STK32B: variants seen among roughly 807,000 people sequenced by gnomAD.
STK32B encodes serine/threonine kinase 32B.
A neutral mutation model predicts 52.6 loss-of-function variants in STK32B; 43 were observed. The ratio of observed to expected loss-of-function variants is 0.82; its 90% CI spans 0.64 to 1.05. The LOEUF is 1.05. STK32B is among the 50% of genes least tolerant of loss of function. The probability of loss-of-function intolerance (pLI) is 0.00; values close to 1 mark genes in which losing one functional copy is unlikely to be tolerated. For missense variants in STK32B, 621 were observed against 534.6 expected, an observed-to-expected ratio of 1.16 and a Z score of -1.59; for synonymous variants, 238 against 204.3, an observed-to-expected ratio of 1.17 and a Z score of -1.41.
chr4:5,460,337 AC>A lies in STK32B; in HGVS notation c.909+111del. ...AGTGAGCCCTCTGCTGGCCACTTCC[AC>A]CTGAGCACCAAGGGCTTATGTCTTG... On this transcript the variant is annotated intron_variant, in intron 9 of 11. Coordinates refer to ENST00000282908, the MANE Select transcript of STK32B (RefSeq NM_018401.3). The surrounding 1 kb of genome is among the most constrained non-coding windows in gnomAD (Gnocchi z 4.8). 6.8e-7 allele frequency: 1 copy of A among 1,476,106 alleles called. No homozygotes were observed. Among genetic ancestry groups the A allele is most frequent in the Non-Finnish European group, 9.1e-7 (1 of 1,102,024 alleles). The allele number at this position is 1,476,106 out of a possible 1,614,324, so 91.4% of individuals were successfully genotyped here.
chr4:5,213,735 T>C (rs1025929580), intron 3 of STK32B, among the ~76,000 whole-genome samples: 6 of 152,216 alleles, frequency 3.9e-5, no homozygotes, highest in Admixed American at 1.3e-4. Flanking sequence ...TTAAGCTGTT[T>C]GCTCCTTTTT....
intron 3 of STK32B, among the ~76,000 whole-genome samples, chr4:5,233,026 G>T (rs1291715114): frequency 6.6e-6 from 1 of 152,110 alleles, no homozygotes; most frequent in Non-Finnish European, 1.5e-5. Flanking sequence ...TGCTACTTGT[G>T]GTTTCCCTAA....
chr4:5,498,594 C>G (rs965524819), intron 11 of STK32B, among the ~76,000 whole-genome samples: 1 of 152,002 alleles, frequency 6.6e-6, no homozygotes, highest in Admixed American at 6.6e-5. Context: ...CCACCTTTAC[C>G]GACTGTGAGC....
At chr4:5,301,845 GT>G (rs78467925) in intron 3 of STK32B, among the ~76,000 whole-genome samples, 47,485 of 147,072 alleles carry the variant, frequency 0.32, 12,268 homozygotes, top group African/African-American at 0.72. Flanking sequence ...AGTTTAGTTT[GT>G]TTTTTTTCTA....
chr4:5,383,671 T>G (rs920770639), intron 4 of STK32B, among the ~76,000 whole-genome samples: 5 of 152,246 alleles, frequency 3.3e-5, no homozygotes, highest in African/African-American at 9.6e-5. Context: ...TAGGGACCCT[T>G]GTTTCTGAAA....
chr4:5,186,998 A>C (rs1046473444), intron 3 of STK32B, among the ~76,000 whole-genome samples: 2 of 152,226 alleles, frequency 1.3e-5, no homozygotes, highest in Non-Finnish European at 2.9e-5. Context: ...AGCTGTTCAG[A>C]GGGCTGCATG....
At chr4:5,327,877 T>G (rs1403395359) in intron 3 of STK32B, among the ~76,000 whole-genome samples, 3 of 152,354 alleles carry the variant, frequency 2.0e-5, no homozygotes, top group African/African-American at 7.2e-5. Flanking sequence ...ATAAAGCTAT[T>G]TGCTATTTTA....
chr4:5,238,523 T>A (rs1724786748), intron 3 of STK32B, among the ~76,000 whole-genome samples: 1 of 152,232 alleles, frequency 6.6e-6, no homozygotes, highest in African/African-American at 2.4e-5. Context: ...AGATTACACA[T>A]GAACATGACC....
At chr4:5,404,262 A>G (rs1737502632) in intron 5 of STK32B, among the ~76,000 whole-genome samples, 1 of 152,052 alleles carries the variant, frequency 6.6e-6, no homozygotes, top group African/African-American at 2.4e-5. Flanking sequence ...GTGGGTGGGA[A>G]AGGCTCTTCT....
intron 1 of STK32B, among the ~76,000 whole-genome samples, chr4:5,094,120 T>C (rs1713252106): frequency 6.6e-6 from 1 of 152,198 alleles, no homozygotes; most frequent in African/African-American, 2.4e-5. Flanking sequence ...GCAGCTGTTA[T>C]ATGGGTGCAG....
intron 6 of STK32B, among the ~76,000 whole-genome samples, chr4:5,433,494 G>A (rs771962652): frequency 2.0e-5 from 3 of 152,194 alleles, no homozygotes; most frequent in Non-Finnish European, 4.4e-5. Context: ...GAAAGTATCA[G>A]TGGGTAGGAG....
chr4:5,281,673 A>C (rs1189225069), intron 3 of STK32B, among the ~76,000 whole-genome samples: 1 of 152,232 alleles, frequency 6.6e-6, no homozygotes, highest in African/African-American at 2.4e-5. Context: ...AATCATGCTA[A>C]ACTCAGCAAC....
intron 11 of STK32B, among the ~76,000 whole-genome samples, chr4:5,485,296 C>CT (rs1386960985): frequency 2.0e-5 from 3 of 152,094 alleles, no homozygotes; most frequent in Non-Finnish European, 4.4e-5. Flanking sequence ...TCTTTTTATT[C>CT]TTTTTTCTCT....
chr4:5,290,564 T>TTCCTTGTTTTGTCTTGG (rs1553865015), intron 3 of STK32B, among the ~76,000 whole-genome samples: 1 of 152,204 alleles, frequency 6.6e-6, no homozygotes, highest in Non-Finnish European at 1.5e-5. Flanking sequence ...CATTGTTGAC[T>TTCCTTGTTTTGTCTTGG]GAAACATTAC....
intron 11 of STK32B, among the ~76,000 whole-genome samples, chr4:5,474,763 C>T (rs1462905970): frequency 6.6e-6 from 1 of 152,188 alleles, no homozygotes; most frequent in African/African-American, 2.4e-5. Flanking sequence ...TCATTCCATT[C>T]TCCTTGAGAT....
chr4:5,033,701 C>G, the STK32B span, among the ~76,000 whole-genome samples: 1 of 152,180 alleles, frequency 6.6e-6, no homozygotes, highest in Non-Finnish European at 1.5e-5. Flanking sequence ...GCTGCTACTT[C>G]CAGTGCACTC....
rs539400867 is a variant in STK32B at position 5,439,039 on chromosome 4, T to G, written c.563-7634T>G. 1.9e-3 allele frequency among the ~76,000 whole-genome samples: 282 copies of G among 151,246 alleles called. 2 individuals are homozygous for G. The highest frequency in any genetic ancestry group is 6.6e-3 in the African/African-American group (272 of 41,202). Reference sequence around the variant, plus strand: ...TGGGTTGGTTCCAAGTCTTTGCTATTGTGAATAATGCCGCAATAAACATAT... The same window carrying G: ...TGGGTTGGTTCCAAGTCTTTGCTATGGTGAATAATGCCGCAATAAACATAT... On this transcript the variant is annotated intron_variant, in intron 6 of 11. Transcript: ENST00000282908.
At chr4:5,294,573 T>A (rs1402624157) in intron 3 of STK32B, among the ~76,000 whole-genome samples, 1 of 152,150 alleles carries the variant, frequency 6.6e-6, no homozygotes, top group Non-Finnish European at 1.5e-5. Flanking sequence ...GGCTCTCTGT[T>A]TGTCTGTTAT....
intron 4 of STK32B, among the ~76,000 whole-genome samples, chr4:5,351,276 A>G (rs1245327387): frequency 1.3e-5 from 2 of 152,130 alleles, no homozygotes; most frequent in African/African-American, 2.4e-5. Context: ...CTCAGGCATC[A>G]ATGGAATAAA....
Sources: allele counts gnomAD v4.1 joint callset (sites outside exome capture counted in the v4.1 genomes callset), GRCh38; gene constraint gnomAD v4.1.1; non-coding constraint Gnocchi (gnomAD v3.1); transcripts MANE v1.5; gene names NCBI Gene and HGNC (gene_info 2026-07-23, HGNC 2026-07-21).